The following RANBP2 variants were observed in gnomAD, a reference collection of about 807,000 sequenced individuals.
RANBP2 encodes E3 SUMO-protein ligase RanBP2.
RANBP2 carries 57 observed loss-of-function variants against 303.6 expected under a neutral mutation model. The ratio of observed to expected loss-of-function variants is 0.19; its 90% confidence interval spans 0.15 to 0.23. The LOEUF (loss-of-function observed/expected upper bound fraction) is 0.23. Ranked by LOEUF, RANBP2 falls within the 10% of genes least tolerant of loss-of-function variation. The pLI is 1.00. For missense variants in RANBP2, 3,138 were observed against 3,780.8 expected (o/e 0.83, Z 4.46); for synonymous variants, 1,167 against 1,301.5 (o/e 0.90, Z 2.23).
At chr2:108,836,985 T>C in the RANBP2 span, among the ~76,000 whole-genome samples, 21 of 152,274 alleles carry the variant, frequency 1.4e-4, no homozygotes, top group East Asian at 3.1e-3. Flanking sequence ...TTTCGACATA[T>C]AAGGTCATGC....
the RANBP2 span, among the ~76,000 whole-genome samples, chr2:109,395,407 G>A: frequency 6.6e-6 from 1 of 152,206 alleles, no homozygotes; most frequent in South Asian, 2.1e-4. Flanking sequence ...CCTCTTCCTG[G>A]GAGACCCCTC....
the RANBP2 span, among the ~76,000 whole-genome samples, chr2:109,481,719 AC>A: frequency 6.6e-6 from 1 of 152,090 alleles, no homozygotes; most frequent in Admixed American, 6.5e-5. Flanking sequence ...TACAGAGAGC[AC>A]ACTAAGTGCA....
At chr2:108,744,131 C>T (rs193044043) in intron 7 of RANBP2, among the ~76,000 whole-genome samples, 8 of 152,194 alleles carry the variant, frequency 5.3e-5, no homozygotes, top group East Asian at 1.9e-4. Flanking sequence ...TAGCCAGGCA[C>T]GGTGGCTCAC....
the RANBP2 span, chr2:109,667,398 C>T: frequency 2.3e-6 from 1 of 428,388 alleles, no homozygotes; most frequent in Non-Finnish European, 4.3e-6. Context: ...GGGGATGAGA[C>T]CAGAGTTATT....
the RANBP2 span, among the ~76,000 whole-genome samples, chr2:108,845,382 A>G: frequency 6.6e-6 from 1 of 152,124 alleles, no homozygotes; most frequent in Non-Finnish European, 1.5e-5. Flanking sequence ...ACTTATCCAC[A>G]TTGCAGGATC....
the RANBP2 span, among the ~76,000 whole-genome samples, chr2:109,214,744 G>T: frequency 6.6e-6 from 1 of 152,318 alleles, no homozygotes; most frequent in African/African-American, 2.4e-5. Flanking sequence ...GTGACATTTA[G>T]CTGTGTGGCC....
intron 9 of RANBP2, among the ~76,000 whole-genome samples, chr2:108,750,619 G>T (rs866847946): frequency 8.0e-5 from 10 of 125,432 alleles, no homozygotes; most frequent in African/African-American, 2.4e-4. Flanking sequence ...ACAGAGTCTC[G>T]CTCTGTCACC....
chr2:109,474,545 C>T, the RANBP2 span, among the ~76,000 whole-genome samples: 2 of 152,160 alleles, frequency 1.3e-5, no homozygotes, highest in Non-Finnish European at 2.9e-5. Context: ...GATTACAGTC[C>T]GAACCGCACG....
chr2:109,102,464 A>T, the RANBP2 span, among the ~76,000 whole-genome samples: 1 of 152,154 alleles, frequency 6.6e-6, no homozygotes. Context: ...GAAAAAAACT[A>T]AAATAAAAGC....
chr2:109,622,066 C>T, the RANBP2 span, among the ~76,000 whole-genome samples: 285 of 152,250 alleles, frequency 1.9e-3, 4 homozygotes, highest in Middle Eastern at 0.024. Flanking sequence ...AAGACTAAGA[C>T]GGCTAAGACT....
At chr2:109,673,662 G>A in the RANBP2 span, among the ~76,000 whole-genome samples, 2 of 151,904 alleles carry the variant, frequency 1.3e-5, no homozygotes, top group Non-Finnish European at 2.9e-5. Flanking sequence ...TCAGGAGTTC[G>A]AGACGAGCCT....
chr2:109,213,090 T>A, the RANBP2 span, among the ~76,000 whole-genome samples: 1 of 152,164 alleles, frequency 6.6e-6, no homozygotes, highest in South Asian at 2.1e-4. Flanking sequence ...GAAAGCACAG[T>A]CAAGCAGTTG....
the RANBP2 span, among the ~76,000 whole-genome samples, chr2:109,180,118 GT>G: frequency 2.5e-3 from 361 of 147,038 alleles, no homozygotes; most frequent in African/African-American, 6.4e-3. Flanking sequence ...CACAGGAGAA[GT>G]TTTTTTTTTT....
the RANBP2 span, among the ~76,000 whole-genome samples, chr2:109,381,545 C>A: frequency 6.6e-6 from 1 of 152,098 alleles, no homozygotes; most frequent in African/African-American, 2.4e-5. Flanking sequence ...TGCCCTGACT[C>A]AGCTTCCAGT....
At chr2:109,183,794 T>C in the RANBP2 span, among the ~76,000 whole-genome samples, 1 of 152,100 alleles carries the variant, frequency 6.6e-6, no homozygotes, top group African/African-American at 2.4e-5. Context: ...TATAAGGAGG[T>C]AAGGCCAAGG....
chr2:108,815,461 G>GTTTTTTTTTTTT, the RANBP2 span, among the ~76,000 whole-genome samples: 5 of 70,700 alleles, frequency 7.1e-5, no homozygotes, highest in Admixed American at 2.1e-4. Context: ...GGTTTTTGGT[G>GTTTTTTTTTTTT]TTTTTTTTTT....
At chr2:109,562,980 A>G in the RANBP2 span, among the ~76,000 whole-genome samples, 1 of 151,496 alleles carries the variant, frequency 6.6e-6, no homozygotes, top group African/African-American at 2.4e-5. Flanking sequence ...GCACGATCTC[A>G]GCTCACTGTA....
At chr2:108,821,068 T>C in the RANBP2 span, among the ~76,000 whole-genome samples, 8 of 152,056 alleles carry the variant, frequency 5.3e-5, no homozygotes, top group African/African-American at 1.4e-4. Context: ...TATAAAGATA[T>C]AATTTGTGGC....
the RANBP2 span, among the ~76,000 whole-genome samples, chr2:108,843,814 T>C: frequency 6.7e-6 from 1 of 150,300 alleles, no homozygotes; most frequent in African/African-American, 2.4e-5. Flanking sequence ...TCCAGGAAGT[T>C]TTCAGTCATT....
Sources: gnomAD v4.1 joint callset for allele counts (sites outside exome capture counted in the v4.1 genomes callset) on GRCh38, gnomAD v4.1.1 for gene constraint, MANE v1.5 for transcripts, NCBI Gene and HGNC (gene_info 2026-07-23, HGNC 2026-07-21) for gene names.